Variants in CDK14 observed in about 807,000 individuals in gnomAD.
CDK14 encodes cyclin dependent kinase 14, also known as cyclin-dependent kinase 14.
CDK14 carries 34 observed loss-of-function variants against 60.7 expected under a neutral mutation model. That is an observed-to-expected ratio of 0.56 (90% CI 0.43 to 0.75). The LOEUF (loss-of-function observed/expected upper bound fraction) is 0.75, where lower values mean the gene tolerates loss of function less well. CDK14 is among the 30% of genes least tolerant of loss of function. The pLI is 0.00. For synonymous variants in CDK14, 197 were observed against 203.7 expected (o/e 0.97, Z 0.28); for missense variants, 482 against 564.1 (o/e 0.85, Z 1.47).
At chr7:90,757,044 G>T (rs1391234289) in intron 4 of CDK14, among the ~76,000 whole-genome samples, 1 of 152,180 alleles carries the variant, frequency 6.6e-6, no homozygotes, top group East Asian at 1.9e-4. Flanking sequence ...GAGGCTAGAA[G>T]TCTGAAATCA....
Position 91,176,297 on chromosome 7 carries a change from C to T in CDK14, c.*29-30868C>T, listed in dbSNP as rs543044521. Among the ~76,000 whole-genome samples, 34 of 152,248 alleles carry T rather than the reference C, an allele frequency of 2.2e-4. No homozygotes were observed. The South Asian group carries it at 3.9e-3, about 18-fold the overall frequency. ...ACACAACATACCAGAATCTCTGGGA[C>T]GCATTTAAAGTAGTGTGTAGAGGGA... On this transcript the variant is annotated intron_variant, in intron 14 of 14. Transcript: ENST00000380050.
At chr7:90,724,364 C>A (rs1802556644) in intron 2 of CDK14, among the ~76,000 whole-genome samples, 1 of 151,720 alleles carries the variant, frequency 6.6e-6, no homozygotes, top group Non-Finnish European at 1.5e-5. Flanking sequence ...AAAAACTTCT[C>A]TGAAAACCAG....
intron 4 of CDK14, among the ~76,000 whole-genome samples, chr7:90,751,369 T>C (rs1334543386): frequency 6.6e-6 from 1 of 152,118 alleles, no homozygotes; most frequent in Non-Finnish European, 1.5e-5. Context: ...GGGCCTGTTT[T>C]CACCATTCTT....
At chr7:90,669,997 T>G (rs885974) in intron 2 of CDK14, among the ~76,000 whole-genome samples, 89,622 of 151,994 alleles carry the variant, frequency 0.59, 26,678 homozygotes, top group East Asian at 0.77. Flanking sequence ...GCATTTACTT[T>G]GTTTTTCTGT....
At chr7:90,727,061 T>C (rs1802663024) in intron 3 of CDK14, among the ~76,000 whole-genome samples, 1 of 152,200 alleles carries the variant, frequency 6.6e-6, no homozygotes, top group African/African-American at 2.4e-5. Flanking sequence ...CCCTTAATTG[T>C]TTCTAGTTAG....
At chr7:90,813,627 T>C (rs1386016724) in intron 5 of CDK14, among the ~76,000 whole-genome samples, 1 of 152,096 alleles carries the variant, frequency 6.6e-6, no homozygotes, top group African/African-American at 2.4e-5. Flanking sequence ...CATGTGCCTG[T>C]AATCCCAGCT....
intron 14 of CDK14, among the ~76,000 whole-genome samples, chr7:91,200,030 TAC>T (rs1802668506): frequency 6.6e-6 from 1 of 152,194 alleles, no homozygotes; most frequent in Non-Finnish European, 1.5e-5. Context: ...CTCCAACTCC[TAC>T]CCCCTTCTCA....
rs1802941877 is a variant in CDK14, at chr7:91,207,583, G to A, written c.*447G>A. The A allele has an allele frequency of 6.6e-6, 1 of 152,670 alleles. No homozygotes were observed. The highest frequency in any genetic ancestry group is 1.9e-4 in the East Asian group (1 of 5,206). The allele number at this position is 152,670 out of a possible 1,614,324, so 9.5% of individuals were successfully genotyped here. A position where few individuals can be genotyped will look rare whatever the true frequency, so the allele number is the denominator to read the frequency against. ...AAGCCACAGAGTGGCATAAAACAAT[G>A]TGTGTTTTCTTTGAGAGCAGTGCAC... On this transcript the variant is annotated 3_prime_UTR_variant, in exon 15 of 15. Coordinates refer to ENST00000380050, the MANE Select transcript of CDK14 (RefSeq NM_001287135.2).
intron 14 of CDK14, among the ~76,000 whole-genome samples, chr7:91,185,261 C>T (rs1382157935): frequency 7.3e-6 from 1 of 136,360 alleles, no homozygotes; most frequent in Admixed American, 7.5e-5. Context: ...TTTCTCTATC[C>T]AATTCTACTA....
chr7:90,750,045 G>C (rs1017935592), intron 4 of CDK14, among the ~76,000 whole-genome samples: 2 of 152,014 alleles, frequency 1.3e-5, no homozygotes, highest in Admixed American at 6.6e-5. Flanking sequence ...GTATGTAAAA[G>C]CTGCTGATAG....
chr7:90,997,791 T>C (rs1795727699), intron 10 of CDK14, among the ~76,000 whole-genome samples: 1 of 152,192 alleles, frequency 6.6e-6, no homozygotes, highest in South Asian at 2.1e-4. Flanking sequence ...TATATGCACA[T>C]TTAATTTGAT....
At chr7:90,971,297 A>G (rs1005181430) in intron 9 of CDK14, among the ~76,000 whole-genome samples, 1 of 152,116 alleles carries the variant, frequency 6.6e-6, no homozygotes, top group African/African-American at 2.4e-5. Context: ...GATGAGCCAT[A>G]ACACAGGTAT....
intron 6 of CDK14, among the ~76,000 whole-genome samples, chr7:90,879,769 G>A (rs961524359): frequency 1.3e-5 from 2 of 151,102 alleles, no homozygotes; most frequent in African/African-American, 2.4e-5. Flanking sequence ...AATAAAAGTC[G>A]CTGCTATTGT....
At chr7:90,729,860 TA>T (rs886749882) in intron 3 of CDK14, among the ~76,000 whole-genome samples, 4 of 152,082 alleles carry the variant, frequency 2.6e-5, no homozygotes, top group African/African-American at 7.2e-5. Context: ...GCTGCCCTTT[TA>T]AAAAATATAT....
intron 10 of CDK14, among the ~76,000 whole-genome samples, chr7:91,019,964 A>C (rs1796393944): frequency 6.6e-6 from 1 of 152,066 alleles, no homozygotes; most frequent in Non-Finnish European, 1.5e-5. Flanking sequence ...TGGATTGATC[A>C]AGGTTGGCTG....
intron 14 of CDK14, among the ~76,000 whole-genome samples, chr7:91,202,728 AT>A (rs1299605134): frequency 6.6e-6 from 1 of 152,204 alleles, no homozygotes; most frequent in African/African-American, 2.4e-5. Context: ...AGCTGGCACA[AT>A]TTGGGCCATT....
At chr7:90,871,201 A>G in intron 6 of CDK14, among the ~76,000 whole-genome samples, 1 of 152,214 alleles carries the variant, frequency 6.6e-6, no homozygotes, top group East Asian at 1.9e-4. Context: ...GATAGAATCA[A>G]GGATCAGAAA....
At chr7:90,609,730 A>G (rs1799497075) in intron 2 of CDK14, among the ~76,000 whole-genome samples, 1 of 152,182 alleles carries the variant, frequency 6.6e-6, no homozygotes, top group South Asian at 2.1e-4. Flanking sequence ...GAATTTCTTT[A>G]TAGCAATGTG....
intron 11 of CDK14, among the ~76,000 whole-genome samples, chr7:91,050,175 T>G (rs1241337447): frequency 6.6e-6 from 1 of 152,054 alleles, no homozygotes; most frequent in Non-Finnish European, 1.5e-5. Flanking sequence ...TTGATCTGAG[T>G]GAGATAGAAA....
Sources: gnomAD v4.1 joint callset for allele counts (sites outside exome capture counted in the v4.1 genomes callset) on GRCh38, gnomAD v4.1.1 for gene constraint, MANE v1.5 for transcripts, NCBI Gene and HGNC (gene_info 2026-07-23, HGNC 2026-07-21) for gene names.